The following CLK1 variants were observed in gnomAD, a reference collection of about 807,000 sequenced individuals.
The protein encoded by CLK1 is dual specificity protein kinase CLK1.
In CLK1, 40 loss-of-function variants were observed where a neutral mutation model predicts 60.9. The ratio of observed to expected loss-of-function variants is 0.66; its 90% confidence interval spans 0.51 to 0.86. The LOEUF (loss-of-function observed/expected upper bound fraction) is 0.86. Ranked by LOEUF, CLK1 falls within the 40% of genes least tolerant of loss-of-function variation. The pLI, the probability that CLK1 is intolerant of heterozygous loss-of-function variation, is 0.00. For synonymous variants in CLK1, 203 were observed against 184.4 expected (o/e 1.10, Z -0.82); for missense variants, 563 against 606.1 (o/e 0.93, Z 0.75).
At position 200,854,647 on chromosome 2, in the gene CLK1, G is replaced by A; in HGVS notation, c.1189C>T (p.Pro397Ser). Residue 397 changes from proline (P) to serine (S), a missense_variant, in exon 11 of 13, where the codon CCT becomes TCT. Pro to Ser is a moderately conservative substitution (Grantham distance 74, BLOSUM62 -1). Coordinates refer to ENST00000321356, the MANE Select transcript of CLK1 (RefSeq NM_004071.4). ...TTCTGTATCATATGTTTTGGTAGAG[G>A]TCCAAGAATCCTTTCCATCATTGCT... The part of the protein sequence containing the change: ...HLAMMERILG[P>S]LPKHMIQKTR... 2 of 1,607,474 alleles carry A rather than the reference G, an allele frequency of 1.2e-6. No homozygotes were observed. Among genetic ancestry groups the A allele is most frequent in the Non-Finnish European group, 1.7e-6 (2 of 1,174,090 alleles).
At chr2:200,858,720 A>T (rs971332130) in intron 5 of CLK1, among the ~76,000 whole-genome samples, 2 of 151,878 alleles carry the variant, frequency 1.3e-5, no homozygotes, top group African/African-American at 2.4e-5. Context: ...ATAAACAAAA[A>T]AAGAGCTCTA....
At chr2:200,856,094 A>T (rs1431090819) in intron 9 of CLK1, among the ~76,000 whole-genome samples, 1 of 151,208 alleles carries the variant, frequency 6.6e-6, no homozygotes, top group Non-Finnish European at 1.5e-5. Context: ...ATTTTCTGAG[A>T]TGGAGTCTCG....
At chr2:200,854,926 G>T (rs2039014190) in intron 10 of CLK1, 78 bp downstream of exon 10, 1 of 1,067,920 alleles carries the variant, frequency 9.4e-7, no homozygotes, top group South Asian at 1.4e-5. Context: ...CTATAATGGG[G>T]GAAGCAAAAG....
chr2:200,862,884 C>G (rs1253697412), intron 1 of CLK1, among the ~76,000 whole-genome samples: 2 of 152,246 alleles, frequency 1.3e-5, no homozygotes, highest in African/African-American at 4.8e-5. Context: ...ACGAAGGCAA[C>G]GGTGGCATCA....
chr2:200,853,374 C>T lies in CLK1; in HGVS notation c.1387G>A (p.Ala463Thr). 6.2e-7 allele frequency: 1 copy of T among 1,613,002 alleles called. No individual in the cohort carries two copies. The change falls in exon 13 of 13, where the codon GCC becomes ACC. Residue 463 changes from alanine (A) to threonine (T), a missense_variant. Physicochemically the swap from Ala to Thr is moderately conservative, Grantham distance 58. Around this residue, in one of 3 missense-constraint regions of CLK1, gnomAD observed 360 missense variants for 407.0 expected, o/e 0.88. Transcript: ENST00000321356. ...GCTTCTCTGAGAGTAATTCTTTTGG[C>T]TGGATCATACTCCAACATTTTCTGA... is the stretch of plus-strand genomic sequence containing the variant. Reference protein sequence around the residue: ...LIQKMLEYDPAKRITLREALK... With the variant: ...LIQKMLEYDPTKRITLREALK...
At chr2:200,861,943 C>T (rs927548192) in intron 1 of CLK1, 81 bp from the exon 2 acceptor site, 3 of 1,226,752 alleles carry the variant, frequency 2.4e-6, no homozygotes, top group Non-Finnish European at 3.5e-6. Flanking sequence ...AAGGTCCCCT[C>T]GTGACCTCGT....
chr2:200,864,423 A>C (rs2039196495), intron 1 of CLK1, 141 bp downstream of exon 1: 3 of 663,802 alleles, frequency 4.5e-6, no homozygotes, highest in Middle Eastern at 4.3e-4. Flanking sequence ...GCCACTGTGC[A>C]GCCTGGGAGT....
chr2:200,864,265 G>A (rs1052921132), intron 1 of CLK1: 30 of 1,504,772 alleles, frequency 2.0e-5, no homozygotes, highest in Non-Finnish European at 2.7e-5. Flanking sequence ...CATGGCGCCC[G>A]CCCGACCGTC....
rs1288866236 is a variant in CLK1, at chr2:200,853,384, C to A, written c.1377G>T (p.Glu459Asp). ...RLFDLIQKMLEYDPAKRITLR... is the reference protein window; with the variant it reads ...RLFDLIQKMLDYDPAKRITLR... ...GAGTAATTCTTTTGGCTGGATCATACTCCAACATTTTCTGAATGAGGTCAA... is the reference window on the plus strand; with the variant it reads ...GAGTAATTCTTTTGGCTGGATCATAATCCAACATTTTCTGAATGAGGTCAA... Residue 459 changes from glutamate to aspartate, a missense_variant, in exon 13 of 13, where the codon GAG becomes GAT. Glu to Asp is a conservative substitution (Grantham distance 45, BLOSUM62 2). Transcript: ENST00000321356. 1 of 1,613,154 alleles carries A rather than the reference C, an allele frequency of 6.2e-7. No homozygotes were observed.
At position 200,857,785 on chromosome 2, in the gene CLK1, A is replaced by G; in HGVS notation, c.765T>C (p.Asn255=). ...GATCCAGTCGAAATGGTAGAAAACC[A>G]TTTTCTTTAATGAAGTCGTAAGTAC... ...GLSTYDFIKE[N]GFLPFRLDHI... The change falls in exon 7 of 13, where the codon AAT becomes AAC. Residue 255 remains asparagine (N), a synonymous_variant. Transcript: ENST00000321356. 5 of 1,613,354 alleles carry G rather than the reference A, an allele frequency of 3.1e-6. No homozygotes were observed. The highest frequency in any genetic ancestry group is 3.4e-6 in the Non-Finnish European group (4 of 1,179,648).
intron 9 of CLK1, 42 bp from the exon 10 acceptor site, chr2:200,855,128 G>T: frequency 7.1e-7 from 1 of 1,412,578 alleles, no homozygotes; most frequent in Non-Finnish European, 9.8e-7. Flanking sequence ...AATACTCAAT[G>T]TTTGTTAAAG....
intron 4 of CLK1, 72 bp from the exon 5 acceptor site, chr2:200,859,818 A>G (rs2039105672): frequency 1.9e-6 from 3 of 1,588,720 alleles, no homozygotes; most frequent in Non-Finnish European, 2.6e-6. Context: ...AAATGCTATC[A>G]ATGTAGATTA....
rs149149486 is a variant in CLK1 at position 200,863,654 on chromosome 2, T to G, written c.-1+910A>C. ...GGATGGATCACCTGAGGTCAACAGT[T>G]TGAGGCCAGCTTAATATGGTGAAAC... is the stretch of plus-strand genomic sequence containing the variant. On this transcript the variant is annotated intron_variant, in intron 1 of 12. Coordinates refer to ENST00000321356, the MANE Select transcript of CLK1 (RefSeq NM_004071.4). 3.5e-3 allele frequency among the ~76,000 whole-genome samples: 535 copies of G among 152,244 alleles called. 6 individuals carry two copies. Among genetic ancestry groups the G allele is most frequent in the African/African-American group, 0.012 (510 of 41,544 alleles).
At position 200,860,129 on chromosome 2, in the gene CLK1, T is replaced by A. The variant is rs200228581; in HGVS notation, c.477A>T (p.Ala159=). The change falls in exon 4 of 13, where the codon GCA becomes GCT. Residue 159 remains alanine (A), a synonymous_variant. Coordinates refer to ENST00000321356, the MANE Select transcript of CLK1 (RefSeq NM_004071.4). ...GTGTTGAAAAATATTCTATACATCT[T>A]GCACTTAGTACGTCTCCACTCTGAC... ...LICQSGDVLS[A]RYEIVDTLGE... 1 of 1,613,346 alleles carries A rather than the reference T, an allele frequency of 6.2e-7. No individual in the cohort carries two copies. Among genetic ancestry groups the A allele is most frequent in the Non-Finnish European group, 8.5e-7 (1 of 1,179,388 alleles).
At chr2:200,854,113 GGATA>G (rs2038998158) in intron 11 of CLK1, 120 bp from the exon 12 acceptor site, 1 of 603,224 alleles carries the variant, frequency 1.7e-6, no homozygotes, top group Non-Finnish European at 2.9e-6. Context: ...GGCAGCCATG[GGATA>G]GAAATGTTAC....
intron 1 of CLK1, among the ~76,000 whole-genome samples, chr2:200,862,334 A>T (rs1575081819): frequency 6.6e-6 from 1 of 152,196 alleles, no homozygotes; most frequent in East Asian, 1.9e-4. Flanking sequence ...AACTGATGAC[A>T]TTCCACCATT....
rs553953171 is a variant in CLK1, at chr2:200,853,455, A to G, written c.1312-6T>C. The G allele has an allele frequency of 1.9e-4, 309 of 1,601,032 alleles. No individual in the cohort carries two copies. In the African/African-American group the frequency reaches 3.8e-3, roughly 20 times the overall value. On this transcript the variant is annotated splice_region_variant and splice_polypyrimidine_tract_variant and intron_variant, in intron 12 of 12. Transcript: ENST00000321356. ...TCTTGAGAAAGCATAAATTCCTGGA[A>G]GAAAAAAAGAAATTCATTCAACAGC...
In CLK1 at chr2:200,857,602, A is replaced by G. The variant is rs972667325; in HGVS notation, c.832+116T>C. The G allele has an allele frequency of 9.4e-6, 8 of 849,012 alleles. No homozygotes were observed. In the African/African-American group the frequency reaches 1.2e-4, roughly 13 times the overall value. The allele number at this position is 849,012 out of a possible 1,614,324, so 52.6% of individuals were successfully genotyped here. A position where few individuals can be genotyped will look rare whatever the true frequency, so the allele number is the denominator to read the frequency against. ...CCTGTAATCAAATCTCTTCATACCT[A>G]TTCTTCCTCCCCCTTTATTTTTAAT... is the stretch of plus-strand genomic sequence containing the variant. On this transcript the variant is annotated intron_variant, in intron 7 of 12. Transcript: ENST00000321356.
Position 200,864,014 on chromosome 2 carries a change from CAA to C in CLK1, c.-1+548_-1+549del, listed in dbSNP as rs2039186477. On this transcript the variant is annotated intron_variant, in intron 1 of 12. Transcript: ENST00000321356. ...TGGTTTTTGTTAACACCACTGAGGA[CAA>C]AGCCACTCGCGATGTTTACGCCGAC... is the stretch of plus-strand genomic sequence containing the variant. 4 of 1,429,536 alleles carry C rather than the reference CAA, an allele frequency of 2.8e-6. No homozygotes were observed. The South Asian group carries it at 5.6e-5, about 20-fold the overall frequency. 88.6% of individuals were successfully genotyped at this position (1,429,536 alleles called of 1,614,324 possible). A position where few individuals can be genotyped will look rare whatever the true frequency, so the allele number is the denominator to read the frequency against.
Sources: gnomAD v4.1 joint callset for allele counts (sites outside exome capture counted in the v4.1 genomes callset) on GRCh38, gnomAD v4.1.1 for gene constraint, gnomAD v4.1.1 regional missense constraint, MANE v1.5 for transcripts, NCBI Gene and HGNC (gene_info 2026-07-23, HGNC 2026-07-21) for gene names.